DCC: variants seen among roughly 807,000 people sequenced by gnomAD.
The protein encoded by DCC is netrin receptor DCC.
DCC carries 58 observed loss-of-function variants against 172.5 expected under a neutral mutation model. The observed-to-expected ratio is 0.34, with a 90% CI of 0.27 to 0.42. DCC has a LOEUF of 0.42. Ranked by LOEUF, DCC falls within the 10% of genes least tolerant of loss-of-function variation. The probability of loss-of-function intolerance (pLI) is 1.00; values close to 1 mark genes in which losing one functional copy is unlikely to be tolerated. For synonymous variants in DCC, 709 were observed against 644.5 expected (o/e 1.10, Z -1.52); for missense variants, 1,740 against 1,791.0 (o/e 0.97, Z 0.51).
intron 15 of DCC, among the ~76,000 whole-genome samples, chr18:53,351,407 ATATATATATACACACTGTG>A (rs1406130739): frequency 0.032 from 619 of 19,134 alleles, 38 homozygotes; most frequent in East Asian, 0.095. Context: ...CAGTGTATAT[ATATATATATACACACTGTG>A]TATATATATA....
intron 7 of DCC, among the ~76,000 whole-genome samples, chr18:53,108,749 G>A (rs11659803): frequency 0.28 from 42,937 of 151,372 alleles, 7,792 homozygotes; most frequent in Non-Finnish European, 0.41. Context: ...CGTCCATGTT[G>A]CATAGCTATA....
At chr18:53,133,639 A>G (rs1426314725) in intron 7 of DCC, among the ~76,000 whole-genome samples, 1 of 152,200 alleles carries the variant, frequency 6.6e-6, no homozygotes, top group African/African-American at 2.4e-5. Context: ...AAAGAGATAA[A>G]ACAGAAAACT....
intron 12 of DCC, among the ~76,000 whole-genome samples, chr18:53,298,669 T>A (rs1326338041): frequency 6.6e-6 from 1 of 152,056 alleles, no homozygotes; most frequent in African/African-American, 2.4e-5. Context: ...CCTTTTCAAC[T>A]TGAATTTATT....
At chr18:53,505,720 A>T (rs1424954324) in intron 27 of DCC, among the ~76,000 whole-genome samples, 2 of 152,238 alleles carry the variant, frequency 1.3e-5, no homozygotes, top group African/African-American at 4.8e-5. Flanking sequence ...GTAACCTAAT[A>T]GAAGACATAA....
intron 1 of DCC, among the ~76,000 whole-genome samples, chr18:52,567,569 GACAAATACCACATGTTTTCACTT>G (rs996463736): frequency 2.0e-5 from 3 of 152,076 alleles, no homozygotes; most frequent in Admixed American, 6.6e-5. Context: ...GAAACAGAAA[GACAAATACCACATGTTTTCACTT>G]ACAAATGGGA....
intron 24 of DCC, among the ~76,000 whole-genome samples, chr18:53,465,882 A>G (rs2045614228): frequency 6.6e-6 from 1 of 152,032 alleles, no homozygotes; most frequent in South Asian, 2.1e-4. Context: ...CTCTTGCCTC[A>G]GCCTCCCAAG....
At chr18:53,199,600 G>C (rs1226246949) in intron 9 of DCC, among the ~76,000 whole-genome samples, 1 of 61,228 alleles carries the variant, frequency 1.6e-5, no homozygotes, top group Non-Finnish European at 3.5e-5. Flanking sequence ...TCATATATAT[G>C]TAAGAACATA....
At chr18:53,491,403 GC>G (rs1176488170) in intron 26 of DCC, among the ~76,000 whole-genome samples, 4 of 152,106 alleles carry the variant, frequency 2.6e-5, no homozygotes. Context: ...GGGTACATGT[GC>G]AGAATGTACA....
chr18:53,231,339 T>C (rs1273827559), intron 12 of DCC, among the ~76,000 whole-genome samples: 2 of 152,058 alleles, frequency 1.3e-5, no homozygotes, highest in Admixed American at 6.6e-5. Flanking sequence ...AGATGAAAAG[T>C]CATAAATGAT....
intron 15 of DCC, among the ~76,000 whole-genome samples, chr18:53,365,474 A>T (rs2057995891): frequency 1.3e-5 from 2 of 151,986 alleles, no homozygotes; most frequent in Middle Eastern, 3.4e-3. Context: ...AAAAGCAGCA[A>T]ACTTTTTATT....
intron 10 of DCC, among the ~76,000 whole-genome samples, chr18:53,206,862 T>A (rs1200171107): frequency 6.6e-6 from 1 of 151,622 alleles, no homozygotes. Flanking sequence ...AACTGCATGA[T>A]CAGAATTTTT....
At chr18:52,762,448 G>T (rs2037176355) in intron 2 of DCC, among the ~76,000 whole-genome samples, 1 of 150,974 alleles carries the variant, frequency 6.6e-6, no homozygotes, top group Non-Finnish European at 1.5e-5. Flanking sequence ...ACTGCAGTCT[G>T]AGTGACAGAG....
intron 2 of DCC, among the ~76,000 whole-genome samples, chr18:52,856,592 C>T (rs2039057922): frequency 7.3e-6 from 1 of 136,552 alleles, no homozygotes. Flanking sequence ...CGCCACTGCA[C>T]TCCAGCCTGG....
chr18:53,524,569 A>ATGTTTGT (rs2046434398), intron 27 of DCC, among the ~76,000 whole-genome samples: 1 of 152,134 alleles, frequency 6.6e-6, no homozygotes, highest in Admixed American at 6.6e-5. Flanking sequence ...TATATATTTT[A>ATGTTTGT]AAAATATTGG....
At chr18:52,601,344 G>A (rs939179411) in intron 1 of DCC, among the ~76,000 whole-genome samples, 1 of 151,774 alleles carries the variant, frequency 6.6e-6, no homozygotes, top group African/African-American at 2.4e-5. Context: ...CAACTTTGTA[G>A]TTTACACTTT....
intron 1 of DCC, among the ~76,000 whole-genome samples, chr18:52,506,847 T>C (rs2031246356): frequency 6.6e-6 from 1 of 152,138 alleles, no homozygotes; most frequent in African/African-American, 2.4e-5. Flanking sequence ...ATTTTAGCAA[T>C]GTAGTATATG....
intron 1 of DCC, among the ~76,000 whole-genome samples, chr18:52,341,976 C>T (rs1188567047): frequency 1.3e-5 from 2 of 152,158 alleles, no homozygotes; most frequent in East Asian, 1.9e-4. Context: ...CCAGTTCGTG[C>T]CTGGGAAATT....
At chr18:53,132,150 G>A (rs1033437705) in intron 7 of DCC, among the ~76,000 whole-genome samples, 1 of 151,806 alleles carries the variant, frequency 6.6e-6, no homozygotes, top group Non-Finnish European at 1.5e-5. Context: ...TGCCAAATTT[G>A]AGGACCTTGG....
intron 7 of DCC, among the ~76,000 whole-genome samples, chr18:53,076,239 G>A (rs984488725): frequency 1.3e-5 from 2 of 152,122 alleles, no homozygotes; most frequent in Non-Finnish European, 2.9e-5. Context: ...TAGGACTTCT[G>A]AGTCTACAAG....
Sources: gnomAD v4.1 joint callset for allele counts (sites outside exome capture counted in the v4.1 genomes callset) on GRCh38, gnomAD v4.1.1 for gene constraint, MANE v1.5 for transcripts, NCBI Gene and HGNC (gene_info 2026-07-23, HGNC 2026-07-21) for gene names.